Variants in SMURF1 observed in about 807,000 individuals in gnomAD.
SMURF1 encodes the protein SMAD specific E3 ubiquitin protein ligase 1.
A neutral mutation model predicts 98.0 loss-of-function variants in SMURF1; 44 were observed. That is an observed-to-expected ratio of 0.45 (90% CI 0.35 to 0.58). The LOEUF (loss-of-function observed/expected upper bound fraction) is 0.58. Among genes scored for constraint, SMURF1 ranks in the 20% least tolerant of loss-of-function variants. The pLI is 0.00. For missense variants in SMURF1, 687 were observed against 938.4 expected (o/e 0.73, Z 3.50); for synonymous variants, 396 against 374.9 (o/e 1.06, Z -0.65).
At chr7:99,138,463 T>C (rs905921019) in intron 1 of SMURF1, among the ~76,000 whole-genome samples, 3 of 152,176 alleles carry the variant, frequency 2.0e-5, no homozygotes, top group African/African-American at 7.2e-5. Context: ...CTCCAAAACC[T>C]TTCTTTCACC....
intron 16 of SMURF1, among the ~76,000 whole-genome samples, chr7:99,035,096 C>G (rs957912261): frequency 6.6e-6 from 1 of 152,244 alleles, no homozygotes; most frequent in Non-Finnish European, 1.5e-5. Flanking sequence ...AGGACATCAT[C>G]TTTCGGTGTG....
intron 1 of SMURF1, among the ~76,000 whole-genome samples, chr7:99,096,203 G>A (rs1357660810): frequency 6.6e-6 from 1 of 152,158 alleles, no homozygotes; most frequent in East Asian, 1.9e-4. Flanking sequence ...GGCTCCAGGT[G>A]GCCACCTGGT....
intron 1 of SMURF1, among the ~76,000 whole-genome samples, chr7:99,079,523 G>A (rs1268761332): frequency 1.3e-5 from 2 of 152,164 alleles, no homozygotes; most frequent in African/African-American, 4.8e-5. Context: ...GTGTTTCCTC[G>A]TAAAACAGAG....
At chr7:99,107,328 T>C (rs757370857) in intron 1 of SMURF1, among the ~76,000 whole-genome samples, 25 of 152,190 alleles carry the variant, frequency 1.6e-4, no homozygotes, top group Admixed American at 7.8e-4. Context: ...GATACTCCAT[T>C]CTCCACAATG....
chr7:99,120,519 AT>A, intron 1 of SMURF1: 1 of 152,132 alleles, frequency 6.6e-6, no homozygotes, highest in Non-Finnish European at 1.5e-5. Context: ...TTTTAAATTC[AT>A]GACAGAAGCT....
intron 5 of SMURF1, 31 bp downstream of exon 5, chr7:99,057,174 C>G (rs1398602674): frequency 1.2e-6 from 2 of 1,609,680 alleles, no homozygotes; most frequent in Admixed American, 3.3e-5. Flanking sequence ...TCTGGAAAAG[C>G]ATCTCTTTAC....
intron 1 of SMURF1, among the ~76,000 whole-genome samples, chr7:99,084,506 G>A (rs937147945): frequency 2.0e-5 from 3 of 152,018 alleles, no homozygotes; most frequent in Non-Finnish European, 2.9e-5. Context: ...AAATATTTAC[G>A]GAATTTTTCT....
Position 99,069,317 on chromosome 7 carries a change from C to G in SMURF1, c.56-7480G>C, listed in dbSNP as rs564950313. On this transcript the variant is annotated intron_variant, in intron 1 of 17. Transcript: ENST00000361368. ...CCATACAGGTGGCTTTGTTCCCCAG[C>G]TAAGTTAGGCCCCTCTGAGGGAGGA... Among the ~76,000 whole-genome samples, 13 of 152,296 alleles carry G rather than the reference C, an allele frequency of 8.5e-5. No individual in the cohort carries two copies. In the South Asian group the frequency reaches 2.7e-3, roughly 32 times the overall value.
chr7:99,143,688 G>A (rs995812093), intron 1 of SMURF1, 38 bp downstream of exon 1: 2 of 1,528,250 alleles, frequency 1.3e-6, no homozygotes, highest in African/African-American at 1.4e-5. Context: ...GCGGGCGAGG[G>A]GGCGCCGGGG....
At chr7:99,041,978 A>G in intron 12 of SMURF1, 140 bp downstream of exon 12, 1 of 688,148 alleles carries the variant, frequency 1.5e-6, no homozygotes, top group Non-Finnish European at 2.5e-6. Flanking sequence ...TTCAGTTTTC[A>G]CTTTACCTCT....
At chr7:99,098,167 T>G (rs2150586194) in intron 1 of SMURF1, among the ~76,000 whole-genome samples, 1 of 150,938 alleles carries the variant, frequency 6.6e-6, no homozygotes, top group South Asian at 2.1e-4. Flanking sequence ...ATAAACAAAA[T>G]CATCTACACC....
intron 17 of SMURF1, chr7:99,030,992 C>T (rs948551846): frequency 3.8e-6 from 1 of 262,676 alleles, no homozygotes; most frequent in Non-Finnish European, 7.4e-6. Flanking sequence ...CCAATCAACA[C>T]ACAGTAAAGT....
At chr7:99,095,882 C>A (rs952941118) in intron 1 of SMURF1, among the ~76,000 whole-genome samples, 1 of 152,180 alleles carries the variant, frequency 6.6e-6, no homozygotes, top group Non-Finnish European at 1.5e-5. Flanking sequence ...AGATCAGTGC[C>A]TGAGCCTGGA....
chr7:99,038,610 CA>C lies in SMURF1; in HGVS notation c.1551-86del, dbSNP rs1009760017. On this transcript the variant is annotated intron_variant, in intron 13 of 17. Transcript: ENST00000361368. ...GTAGACAGAAAACATTTACGACTGC[CA>C]AACCCGGGGCTGCAAGACAGGACAG... 1.3e-5 allele frequency: 19 copies of C among 1,513,368 alleles called. No homozygotes were observed. The African/African-American group carries it at 2.3e-4, about 19-fold the overall frequency. The allele number at this position is 1,513,368 out of a possible 1,614,324, so 93.7% of individuals were successfully genotyped here. A position where few individuals can be genotyped will look rare whatever the true frequency, so the allele number is the denominator to read the frequency against.
chr7:99,139,786 A>G (rs1050881243), intron 1 of SMURF1, among the ~76,000 whole-genome samples: 5 of 152,238 alleles, frequency 3.3e-5, no homozygotes, highest in African/African-American at 1.2e-4. Context: ...ATTCGTTAAA[A>G]TGTTATTATT....
intron 1 of SMURF1, among the ~76,000 whole-genome samples, chr7:99,116,449 C>T (rs1396324854): frequency 1.3e-5 from 2 of 152,124 alleles, no homozygotes; most frequent in African/African-American, 2.4e-5. Flanking sequence ...ATGACATAAT[C>T]TTATATATAG....
chr7:99,079,771 A>T (rs1796542601), intron 1 of SMURF1, among the ~76,000 whole-genome samples: 1 of 152,242 alleles, frequency 6.6e-6, no homozygotes, highest in Non-Finnish European at 1.5e-5. Flanking sequence ...AGAAATGAGA[A>T]ACTGTTTCAA....
At chr7:99,059,127 C>T (rs906189750) in intron 3 of SMURF1, among the ~76,000 whole-genome samples, 4 of 151,190 alleles carry the variant, frequency 2.6e-5, no homozygotes, top group African/African-American at 9.7e-5. Context: ...AGGCCGGGCG[C>T]GGTGGCTCAC....
chr7:99,126,582 G>C (rs1797751146), intron 1 of SMURF1, among the ~76,000 whole-genome samples: 1 of 152,174 alleles, frequency 6.6e-6, no homozygotes, highest in Non-Finnish European at 1.5e-5. Flanking sequence ...TTGAACCCAG[G>C]AGATGGAGGT....
Sources: gnomAD v4.1 joint callset for allele counts (sites outside exome capture counted in the v4.1 genomes callset) on GRCh38, gnomAD v4.1.1 for gene constraint, MANE v1.5 for transcripts, NCBI Gene and HGNC (gene_info 2026-07-23, HGNC 2026-07-21) for gene names.